Variants in CERKL observed in about 807,000 individuals in gnomAD.
CERKL encodes ceramide kinase-like protein.
Under a neutral mutation model 63.4 loss-of-function variants are expected in CERKL, and 61 were observed. The ratio of observed to expected loss-of-function variants is 0.96; its 90% CI spans 0.78 to 1.19. The LOEUF (loss-of-function observed/expected upper bound fraction) is 1.19, where lower values mean the gene tolerates loss of function less well. CERKL is among the 50% of genes most tolerant of loss of function. CERKL has a pLI of 0.00. For synonymous variants in CERKL, 250 were observed against 230.5 expected (o/e 1.08, Z -0.77); for missense variants, 675 against 655.5 (o/e 1.03, Z -0.33).
chr2:181,604,706 T>C (rs1164936231), intron 1 of CERKL, among the ~76,000 whole-genome samples: 1 of 152,140 alleles, frequency 6.6e-6, no homozygotes, highest in Non-Finnish European at 1.5e-5. Flanking sequence ...TTATGACAAA[T>C]TGTTGAAGGC....
chr2:181,539,049 A>G (rs973563878), intron 12 of CERKL, 43 bp downstream of exon 12: 20 of 1,264,786 alleles, frequency 1.6e-5, no homozygotes, highest in Non-Finnish European at 2.0e-5. Flanking sequence ...TATTAGATTT[A>G]TGTTTACTGG....
chr2:181,637,203 G>T (rs1300820340), intron 1 of CERKL, among the ~76,000 whole-genome samples: 1 of 152,018 alleles, frequency 6.6e-6, no homozygotes, highest in Non-Finnish European at 1.5e-5. Context: ...AAGCAAAATT[G>T]CACAACCCTT....
At chr2:181,614,697 G>A (rs1401733057) in intron 1 of CERKL, among the ~76,000 whole-genome samples, 1 of 152,086 alleles carries the variant, frequency 6.6e-6, no homozygotes, top group Non-Finnish European at 1.5e-5. Context: ...CTAATTGTAT[G>A]TAAAAGCTAC....
chr2:181,622,629 CAAA>C (rs1220187742), intron 1 of CERKL, among the ~76,000 whole-genome samples: 1 of 151,996 alleles, frequency 6.6e-6, no homozygotes, highest in African/African-American at 2.4e-5. Flanking sequence ...GGGAGAAAAA[CAAA>C]AATGATTGAA....
chr2:181,596,543 G>A (rs1685216469), intron 2 of CERKL, among the ~76,000 whole-genome samples: 1 of 152,150 alleles, frequency 6.6e-6, no homozygotes, highest in South Asian at 2.1e-4. Context: ...CCTTTTCCAA[G>A]CATCCCATAA....
intron 2 of CERKL, among the ~76,000 whole-genome samples, chr2:181,587,165 C>A (rs535266312): frequency 6.6e-6 from 1 of 152,244 alleles, no homozygotes; most frequent in Non-Finnish European, 1.5e-5. Flanking sequence ...ACCTTATTAT[C>A]CACAAAAGCT....
intron 1 of CERKL, among the ~76,000 whole-genome samples, chr2:181,604,588 T>C (rs1559100799): frequency 6.6e-6 from 1 of 152,118 alleles, no homozygotes; most frequent in Non-Finnish European, 1.5e-5. Context: ...TCCAAGAACA[T>C]AAACAAAGCG....
chr2:181,539,548 A>T (rs72883653), intron 11 of CERKL, among the ~76,000 whole-genome samples: 21,288 of 152,076 alleles, frequency 0.14, 1,632 homozygotes, highest in East Asian at 0.22. Flanking sequence ...AGATTTTTCA[A>T]TTAAAGATAA....
intron 2 of CERKL, among the ~76,000 whole-genome samples, chr2:181,596,068 T>C (rs892658699): frequency 6.6e-6 from 1 of 152,224 alleles, no homozygotes; most frequent in African/African-American, 2.4e-5. Context: ...TCAATTAGCA[T>C]TTTGAATATA....
chr2:181,626,729 G>A (rs536857999), intron 1 of CERKL, among the ~76,000 whole-genome samples: 5 of 152,358 alleles, frequency 3.3e-5, no homozygotes, highest in African/African-American at 1.2e-4. Flanking sequence ...GGGGAAAAAG[G>A]AGAGATCCTT....
In CERKL at chr2:181,537,610, A is replaced by C; in HGVS notation, c.*574T>G. ...TTATATTTGTAACAGAATATAGGAA[A>C]TTTAACATAATTGATGAGCTCAAAT... On this transcript the variant is annotated 3_prime_UTR_variant, in exon 13 of 13. Coordinates refer to ENST00000410087, the MANE Select transcript of CERKL (RefSeq NM_201548.5). The C allele has an allele frequency of 2.3e-6, 1 of 430,126 alleles. No homozygotes were observed. Among genetic ancestry groups the C allele is most frequent in the Non-Finnish European group, 4.6e-6 (1 of 218,940 alleles). The allele number at this position is 430,126 out of a possible 1,614,324, so 26.6% of individuals were successfully genotyped here. A position where few individuals can be genotyped will look rare whatever the true frequency, so the allele number is the denominator to read the frequency against.
chr2:181,610,861 G>A (rs1436460061), intron 1 of CERKL, among the ~76,000 whole-genome samples: 1 of 151,958 alleles, frequency 6.6e-6, no homozygotes, highest in African/African-American at 2.4e-5. Context: ...AATATACCTG[G>A]TTTTGATCCA....
chr2:181,616,425 G>C (rs1003920009), intron 1 of CERKL, among the ~76,000 whole-genome samples: 1 of 151,944 alleles, frequency 6.6e-6, no homozygotes, highest in East Asian at 1.9e-4. Flanking sequence ...TGTTAGCCAG[G>C]ACGGTCTCAA....
At position 181,603,935 on chromosome 2, in the gene CERKL, T is replaced by C; in HGVS notation, c.383A>G (p.Lys128Arg). 1.2e-6 allele frequency: 2 copies of C among 1,612,808 alleles called. No homozygotes were observed. Among genetic ancestry groups the C allele is most frequent in the Non-Finnish European group, 1.7e-6 (2 of 1,179,222 alleles). Residue 128 changes from lysine to arginine, a missense_variant, in exon 2 of 13, where the codon AAG becomes AGG. By Grantham distance (26) the Lys-to-Arg change is conservative (BLOSUM62 2). Transcript: ENST00000410087. ...AGAATTCTTTAGTTTATTTTGTTCC[T>C]TTTTCAAGCAGATGAAGAGTGTGAT... is the stretch of plus-strand genomic sequence containing the variant. ...LGITLFICLK[K>R]EQNKLKNSTL...
chr2:181,640,243 C>G (rs1687359544), intron 1 of CERKL, among the ~76,000 whole-genome samples: 2 of 152,102 alleles, frequency 1.3e-5, no homozygotes, highest in Non-Finnish European at 2.9e-5. Context: ...CTTTGTGTTT[C>G]TCCTCCTAGC....
chr2:181,553,776 G>A, intron 5 of CERKL, among the ~76,000 whole-genome samples: 1 of 152,112 alleles, frequency 6.6e-6, no homozygotes, highest in South Asian at 2.1e-4. Flanking sequence ...ACACTCTGAA[G>A]AAAAAAGGAA....
Position 181,547,676 on chromosome 2 carries a change from T to C in CERKL, c.1210A>G (p.Ile404Val). 6.2e-7 allele frequency: 1 copy of C among 1,614,078 alleles called. No individual in the cohort carries two copies. Among genetic ancestry groups the C allele is most frequent in the Non-Finnish European group, 8.5e-7 (1 of 1,179,970 alleles). The change falls in exon 10 of 13, where the codon ATT (isoleucine) becomes GTT (valine). Residue 404 changes from isoleucine to valine, a missense_variant. Ile to Val is a conservative substitution (Grantham distance 29). Transcript: ENST00000410087. The stretch of plus-strand genomic sequence containing the variant: ...GAACACAGGCAAGGAATTGCCATAA[T>C]GCTGACATTCAAGAACTGACCCTGG... ...MIQGQFLNVSIMAIPCLCSVA... is the reference protein window; with the variant it reads ...MIQGQFLNVSVMAIPCLCSVA...
chr2:181,538,735 T>TAACA (rs1308335098), intron 12 of CERKL, among the ~76,000 whole-genome samples: 1 of 152,186 alleles, frequency 6.6e-6, no homozygotes, highest in Non-Finnish European at 1.5e-5. Flanking sequence ...GATAAAAATC[T>TAACA]AACACTTTAC....
At chr2:181,642,242 C>A (rs1014274729) in intron 1 of CERKL, among the ~76,000 whole-genome samples, 4 of 152,110 alleles carry the variant, frequency 2.6e-5, no homozygotes, top group Admixed American at 2.0e-4. Flanking sequence ...TGGGGTTTAA[C>A]CCCTGCTTCC....
Sources: allele counts gnomAD v4.1 joint callset (sites outside exome capture counted in the v4.1 genomes callset), GRCh38; gene constraint gnomAD v4.1.1; transcripts MANE v1.5; gene names NCBI Gene and HGNC (gene_info 2026-07-23, HGNC 2026-07-21).